RFX7: variants seen among roughly 807,000 people sequenced by gnomAD.
RFX7 encodes regulatory factor X7, also known as DNA-binding protein RFX7.
RFX7 carries 26 observed loss-of-function variants against 111.8 expected under a neutral mutation model. The observed-to-expected ratio is 0.23, with a 90% CI of 0.17 to 0.32. RFX7 has a LOEUF of 0.32. RFX7 is among the 10% of genes least tolerant of loss of function. The pLI, the probability that RFX7 is intolerant of heterozygous loss-of-function variation, is 1.00. For synonymous variants in RFX7, 624 were observed against 624.4 expected (o/e 1.00, Z 0.01); for missense variants, 1,573 against 1,772.9 (o/e 0.89, Z 2.02).
intron 4 of RFX7, among the ~76,000 whole-genome samples, chr15:56,143,738 A>T (rs1173290544): frequency 3.3e-5 from 5 of 152,188 alleles, no homozygotes; most frequent in African/African-American, 1.2e-4. Flanking sequence ...GAGGGAAAAA[A>T]AGATAAAACT....
At chr15:56,101,737 T>C (rs113782203) in intron 7 of RFX7, among the ~76,000 whole-genome samples, 171 bp from the exon 8 acceptor site, 1 of 152,216 alleles carries the variant, frequency 6.6e-6, no homozygotes, top group Non-Finnish European at 1.5e-5. Flanking sequence ...AAGGGACTCA[T>C]ACCCACTAGT....
At chr15:56,141,720 TG>T (rs1207918293) in intron 5 of RFX7, among the ~76,000 whole-genome samples, 1 of 140,094 alleles carries the variant, frequency 7.1e-6, no homozygotes, top group Admixed American at 7.4e-5. Context: ...TGTTTACAAT[TG>T]TATCCTGAGA....
intron 2 of RFX7, chr15:56,192,239 CTG>C (rs2043107759): frequency 6.4e-6 from 1 of 155,382 alleles, no homozygotes; most frequent in African/African-American, 2.4e-5. Context: ...ATCAAATAGA[CTG>C]TGCTGTGTGA....
intron 2 of RFX7, among the ~76,000 whole-genome samples, chr15:56,241,998 G>A (rs2043695250): frequency 6.6e-6 from 1 of 152,088 alleles, no homozygotes; most frequent in South Asian, 2.1e-4. Context: ...TTTAAAAATT[G>A]TCACTTTAAA....
chr15:56,104,863 G>C (rs1181783207), intron 5 of RFX7, among the ~76,000 whole-genome samples: 2 of 152,138 alleles, frequency 1.3e-5, no homozygotes, highest in Admixed American at 1.3e-4. Flanking sequence ...GAGCAGAAAG[G>C]GAACTAATGC....
chr15:56,119,768 C>G (rs1433473502), intron 5 of RFX7, among the ~76,000 whole-genome samples: 2 of 140,754 alleles, frequency 1.4e-5, no homozygotes, highest in Non-Finnish European at 3.0e-5. Flanking sequence ...CAGAGTGACA[C>G]TGTGTCTCAA....
intron 5 of RFX7, among the ~76,000 whole-genome samples, chr15:56,112,468 C>G (rs957582204): frequency 6.1e-5 from 9 of 147,822 alleles, no homozygotes; most frequent in Admixed American, 6.7e-5. Flanking sequence ...AAAACTGAAA[C>G]TGGACCCCTT....
At position 56,167,715 on chromosome 15, in the gene RFX7, ATAAAT is replaced by A. The variant is rs2042799734; in HGVS notation, c.195+11550_195+11554del. Among the ~76,000 whole-genome samples the A allele has an allele frequency of 3.3e-5, 5 of 152,342 alleles. No individual in the cohort carries two copies. The South Asian group carries it at 1.0e-3, about 32-fold the overall frequency. On this transcript the variant is annotated intron_variant, in intron 3 of 9. Transcript: ENST00000559447. ...TTCATTTGTCTTTACCAATAAACAG[ATAAAT>A]TTTTTCATAGCTTTAAAACTAGAAA...
At chr15:56,139,692 C>T (rs2042360394) in intron 5 of RFX7, among the ~76,000 whole-genome samples, 1 of 152,124 alleles carries the variant, frequency 6.6e-6, no homozygotes, top group South Asian at 2.1e-4. Context: ...GAGAGGCGCT[C>T]TGGTTTTTAG....
chr15:56,115,583 T>C (rs1046883592), intron 5 of RFX7, among the ~76,000 whole-genome samples: 14 of 152,200 alleles, frequency 9.2e-5, no homozygotes, highest in African/African-American at 3.1e-4. Flanking sequence ...ACATATAGTA[T>C]GAGCTCTCTT....
chr15:56,127,841 C>T (rs570828233), intron 5 of RFX7, among the ~76,000 whole-genome samples: 8 of 150,970 alleles, frequency 5.3e-5, no homozygotes, highest in East Asian at 2.0e-4. Context: ...CCACTGCGCC[C>T]GGCCGAAAAG....
Position 56,234,344 on chromosome 15 carries a change from AG to A in RFX7, c.161+8780del, listed in dbSNP as rs1240666118. 2.5e-4 allele frequency among the ~76,000 whole-genome samples: 38 copies of A among 152,332 alleles called. 1 individual carries two copies. The highest frequency in any genetic ancestry group is 9.1e-4 in the African/African-American group (38 of 41,572). On this transcript the variant is annotated intron_variant, in intron 2 of 9. Coordinates refer to ENST00000559447, the MANE Select transcript of RFX7 (RefSeq NM_022841.7). ...ATTAAAACAAATGTGTACTGAATTCAGTTTTCCCTGACTACATGATTCTATA... is the reference window on the plus strand; with the variant it reads ...ATTAAAACAAATGTGTACTGAATTCATTTTCCCTGACTACATGATTCTATA...
intron 5 of RFX7, among the ~76,000 whole-genome samples, chr15:56,111,876 GGAGGCC>G (rs1273826445): frequency 2.0e-5 from 3 of 152,054 alleles, no homozygotes; most frequent in Non-Finnish European, 2.9e-5. Context: ...CAGCACTTTG[GGAGGCC>G]GAGGCGGGTG....
At chr15:56,130,826 T>C (rs1055638534) in intron 5 of RFX7, among the ~76,000 whole-genome samples, 3 of 151,780 alleles carry the variant, frequency 2.0e-5, no homozygotes, top group African/African-American at 7.3e-5. Context: ...AAAAAGCATA[T>C]AAGAAGATAC....
In RFX7 at chr15:56,098,287, T is replaced by C. The variant is rs745790851; in HGVS notation, c.901A>G (p.Ile301Val). 5.0e-6 allele frequency: 8 copies of C among 1,613,798 alleles called. No homozygotes were observed. Among genetic ancestry groups the C allele is most frequent in the Admixed American group, 3.3e-5 (2 of 60,002 alleles). Residue 301 changes from isoleucine to valine, a missense_variant, in exon 9 of 10, where the codon ATT becomes GTT. Transcript: ENST00000559447. ...QPQVKTLPSP[I>V]DAKQQLQRKI... ...CGTTGCAACTGCTGTTTAGCATCAA[T>C]TGGAGATGGCAAAGTCTTCACCTGA... is the stretch of plus-strand genomic sequence containing the variant.
intron 8 of RFX7, among the ~76,000 whole-genome samples, chr15:56,100,312 C>T (rs74018315): frequency 2.0e-4 from 30 of 152,226 alleles, no homozygotes; most frequent in African/African-American, 7.2e-4. Flanking sequence ...CTGGTCAGTA[C>T]AATGAATAAA....
At chr15:56,123,395 T>C (rs2042102262) in intron 5 of RFX7, among the ~76,000 whole-genome samples, 1 of 152,164 alleles carries the variant, frequency 6.6e-6, no homozygotes, top group African/African-American at 2.4e-5. Context: ...GTCTCAAGAC[T>C]CTGCCCGGTA....
intron 2 of RFX7, among the ~76,000 whole-genome samples, chr15:56,241,976 C>T (rs1337542201): frequency 6.6e-6 from 1 of 152,176 alleles, no homozygotes; most frequent in Non-Finnish European, 1.5e-5. Flanking sequence ...TATAACTAAC[C>T]TAAATCTTGT....
chr15:56,102,184 G>A lies in RFX7; in HGVS notation c.588C>T (p.His196=). 6.2e-7 allele frequency: 1 copy of A among 1,611,320 alleles called. No individual in the cohort carries two copies. Among genetic ancestry groups the A allele is most frequent in the South Asian group, 1.1e-5 (1 of 90,600 alleles). The change falls in exon 7 of 10, where the codon CAC becomes CAT. Residue 196 remains histidine, a synonymous_variant. Coordinates refer to ENST00000559447, the MANE Select transcript of RFX7 (RefSeq NM_022841.7). The part of the protein sequence containing the change: ...HMPTLPNLDF[H]KTGDGLEGAE... The stretch of plus-strand genomic sequence containing the variant: ...GAATTCTTACCCCATCTCCAGTTTT[G>A]TGAAAGTCAAGGTTGGGCAGTGTTG...
Sources: allele counts gnomAD v4.1 joint callset (sites outside exome capture counted in the v4.1 genomes callset), GRCh38; gene constraint gnomAD v4.1.1; transcripts MANE v1.5; gene names NCBI Gene and HGNC (gene_info 2026-07-23, HGNC 2026-07-21).